The following STAT4 variants were observed in gnomAD, a reference collection of about 807,000 sequenced individuals.
STAT4 encodes the protein signal transducer and activator of transcription 4.
A neutral mutation model predicts 110.5 loss-of-function variants in STAT4; 42 were observed. The ratio of observed to expected loss-of-function variants is 0.38; its 90% CI spans 0.30 to 0.49. STAT4 has a LOEUF of 0.49. STAT4 is among the 20% of genes least tolerant of loss of function. The pLI is 0.95. For missense variants in STAT4, 632 were observed against 887.9 expected, an observed-to-expected ratio of 0.71 and a Z score of 3.66; for synonymous variants, 284 against 302.2, an observed-to-expected ratio of 0.94 and a Z score of 0.63.
rs1559059256 is a variant in STAT4 at position 191,083,504 on chromosome 2, C to A, written c.274-7179G>T. The stretch of plus-strand genomic sequence containing the variant: ...TCTGCTGTACCAGCTCTTCTCCTAA[C>A]CCCAATTTGAGAACTTTTTGACTTC... On this transcript the variant is annotated intron_variant, in intron 3 of 23. Coordinates refer to ENST00000392320, the MANE Select transcript of STAT4 (RefSeq NM_003151.4). The surrounding 1 kb of genome is among the most constrained non-coding windows in gnomAD (Gnocchi z 4.6). Among the ~76,000 whole-genome samples the A allele has an allele frequency of 1.3e-5, 2 of 152,164 alleles. No homozygotes were observed. The highest frequency in any genetic ancestry group is 2.9e-5 in the Non-Finnish European group (2 of 68,030).
rs2125132456 is a variant in STAT4 at position 191,030,423 on chromosome 2, C to T, written c.2220+549G>A. ...AACATTATTGCATTAAAGATTATGA[C>T]TCATTTCTCAAAAAGGAGAGCATTA... On this transcript the variant is annotated intron_variant, in intron 23 of 23. Transcript: ENST00000392320. This position sits in a 1 kb window ranked among gnomAD's most constrained non-coding sequence, Gnocchi z 4.4. Among the ~76,000 whole-genome samples, 1 of 152,256 alleles carries T rather than the reference C, an allele frequency of 6.6e-6. No homozygotes were observed. The highest frequency in any genetic ancestry group is 2.1e-4 in the South Asian group (1 of 4,822).
intron 3 of STAT4, among the ~76,000 whole-genome samples, chr2:191,125,638 C>T (rs1318292265): frequency 2.6e-5 from 4 of 151,862 alleles, no homozygotes; most frequent in Admixed American, 1.3e-4. Context: ...CAGGTGTACG[C>T]ACGCTACCAT....
intron 3 of STAT4, among the ~76,000 whole-genome samples, chr2:191,122,918 A>G (rs1316302799): frequency 6.6e-6 from 1 of 152,270 alleles, no homozygotes; most frequent in Non-Finnish European, 1.5e-5. Flanking sequence ...ATGGATGTAT[A>G]TTAAAAAAAT....
rs1699454675 is a variant in STAT4, at chr2:191,146,191, A to T, written c.273+422T>A. ...AAGAACACTTTTAAAGGAGTGTGAGATCTGAACCAAATCTGTAAGAATACA... is the reference window on the plus strand; with the variant it reads ...AAGAACACTTTTAAAGGAGTGTGAGTTCTGAACCAAATCTGTAAGAATACA... On this transcript the variant is annotated intron_variant, in intron 3 of 23. Transcript: ENST00000392320. This position sits in a 1 kb window ranked among gnomAD's most constrained non-coding sequence, Gnocchi z 4.5. Among the ~76,000 whole-genome samples the T allele has an allele frequency of 1.3e-5, 2 of 152,198 alleles. No homozygotes were observed. Among genetic ancestry groups the T allele is most frequent in the South Asian group, 4.1e-4 (2 of 4,832 alleles).
rs952520551 is a variant in STAT4 at position 191,032,561 on chromosome 2, C to T, written c.2044+397G>A. Among the ~76,000 whole-genome samples, 1 of 152,106 alleles carries T rather than the reference C, an allele frequency of 6.6e-6. No individual in the cohort carries two copies. Among genetic ancestry groups the T allele is most frequent in the East Asian group, 1.9e-4 (1 of 5,196 alleles). On this transcript the variant is annotated intron_variant, in intron 21 of 23. Transcript: ENST00000392320. The surrounding 1 kb of genome is among the most constrained non-coding windows in gnomAD (Gnocchi z 4.9). ...TATAAAACTTATAAACCCTGGGGTT[C>T]CTTTGCAATATACAGACTTGTTTTA...
chr2:191,035,819 C>T lies in STAT4; in HGVS notation c.1570+345G>A, dbSNP rs541898210. ...CACCTCATATTTAGTGGAAATATAC[C>T]CTGGAGACTGGGGTGGGGAATAGAC... On this transcript the variant is annotated intron_variant, in intron 17 of 23. Coordinates refer to ENST00000392320, the MANE Select transcript of STAT4 (RefSeq NM_003151.4). The surrounding 1 kb of genome is among the most constrained non-coding windows in gnomAD (Gnocchi z 4.7). Among the ~76,000 whole-genome samples the T allele has an allele frequency of 1.3e-5, 2 of 152,188 alleles. No individual in the cohort carries two copies. The highest frequency in any genetic ancestry group is 3.9e-4 in the East Asian group (2 of 5,178).
intron 3 of STAT4, among the ~76,000 whole-genome samples, chr2:191,127,470 C>G (rs1447317387): frequency 6.6e-6 from 1 of 152,220 alleles, no homozygotes; most frequent in Non-Finnish European, 1.5e-5. Flanking sequence ...GCATATGCCT[C>G]TACCACGGTG....
Position 191,117,743 on chromosome 2 carries a change from A to G in STAT4, c.273+28870T>C, listed in dbSNP as rs934201202. Among the ~76,000 whole-genome samples the G allele has an allele frequency of 3.3e-5, 5 of 152,110 alleles. No homozygotes were observed. Among genetic ancestry groups the G allele is most frequent in the African/African-American group, 1.2e-4 (5 of 41,496 alleles). On this transcript the variant is annotated intron_variant, in intron 3 of 23. Transcript: ENST00000392320. This position sits in a 1 kb window ranked among gnomAD's most constrained non-coding sequence, Gnocchi z 5.2. ...CCACATCCTAAATCCACCATTGCTT[A>G]TTTTTCTTCCGATGCCTGGATGCAT... is the stretch of plus-strand genomic sequence containing the variant.
chr2:191,047,339 C>A (rs1263721323), intron 14 of STAT4, among the ~76,000 whole-genome samples: 2 of 152,106 alleles, frequency 1.3e-5, no homozygotes, highest in African/African-American at 4.8e-5. Flanking sequence ...ATTCATTGAA[C>A]CTGAGGAGGG....
intron 3 of STAT4, among the ~76,000 whole-genome samples, chr2:191,145,199 T>C (rs1699430800): frequency 6.6e-6 from 1 of 152,168 alleles, no homozygotes; most frequent in Admixed American, 6.5e-5. Context: ...ACTTCTGCCA[T>C]TGTAGTGTAA....
At chr2:191,070,083 G>T (rs905208355) in intron 5 of STAT4, among the ~76,000 whole-genome samples, 1 of 152,042 alleles carries the variant, frequency 6.6e-6, no homozygotes, top group Non-Finnish European at 1.5e-5. Flanking sequence ...TGGAGAATAT[G>T]AATATTTTTG....
chr2:191,047,172 C>T lies in STAT4; in HGVS notation c.1252-6024G>A, dbSNP rs1357788446. Among the ~76,000 whole-genome samples, 4 of 152,064 alleles carry T rather than the reference C, an allele frequency of 2.6e-5. No homozygotes were observed. The East Asian group carries it at 7.7e-4, about 29-fold the overall frequency. ...TGGAGGTGCTAGGAGGGTGGCGCAC[C>T]TGGACAGGGCATGGGAGCTCCACAC... On this transcript the variant is annotated intron_variant, in intron 14 of 23. Coordinates refer to ENST00000392320, the MANE Select transcript of STAT4 (RefSeq NM_003151.4).
At chr2:191,106,375 T>A (rs948612035) in intron 3 of STAT4, among the ~76,000 whole-genome samples, 2 of 151,382 alleles carry the variant, frequency 1.3e-5, no homozygotes, top group Non-Finnish European at 2.9e-5. Flanking sequence ...AAAAAAAAAA[T>A]TAGGCTGGGC....
chr2:191,148,600 C>A (rs1391378638), intron 1 of STAT4, among the ~76,000 whole-genome samples: 1 of 152,186 alleles, frequency 6.6e-6, no homozygotes, highest in East Asian at 1.9e-4. Context: ...TTTACTATAC[C>A]TCCTAAAACC....
intron 6 of STAT4, 144 bp downstream of exon 6, chr2:191,069,549 G>A: frequency 1.6e-6 from 1 of 643,198 alleles, no homozygotes; most frequent in South Asian, 1.7e-5. Context: ...AGATAAGGAA[G>A]AAGCAAAACA....
intron 3 of STAT4, among the ~76,000 whole-genome samples, chr2:191,122,463 C>T (rs1293639746): frequency 6.6e-6 from 1 of 152,162 alleles, no homozygotes; most frequent in Non-Finnish European, 1.5e-5. Context: ...TAAATCCACA[C>T]ATCTTAATGC....
In STAT4 at chr2:191,051,231, G is replaced by T. The variant is rs1696514495; in HGVS notation, c.1251+3259C>A. ...AGCACTTGACAGGTGAGCAGAGAAG[G>T]AGAAAGATCAGCAGTTGTCTGAAGT... On this transcript the variant is annotated intron_variant, in intron 14 of 23. Transcript: ENST00000392320. The surrounding 1 kb of genome is among the most constrained non-coding windows in gnomAD (Gnocchi z 5.6). 6.6e-6 allele frequency among the ~76,000 whole-genome samples: 1 copy of T among 152,198 alleles called. No individual in the cohort carries two copies. Among genetic ancestry groups the T allele is most frequent in the East Asian group, 1.9e-4 (1 of 5,194 alleles).
intron 3 of STAT4, among the ~76,000 whole-genome samples, chr2:191,101,862 A>G (rs2125336214): frequency 6.6e-6 from 1 of 152,264 alleles, no homozygotes; most frequent in East Asian, 1.9e-4. Flanking sequence ...AGTTATGAGC[A>G]TTAACTGAGA....
chr2:191,091,210 A>G lies in STAT4; in HGVS notation c.274-14885T>C, dbSNP rs1697789129. Among the ~76,000 whole-genome samples, 2 of 152,194 alleles carry G rather than the reference A, an allele frequency of 1.3e-5. No homozygotes were observed. The highest frequency in any genetic ancestry group is 4.8e-5 in the African/African-American group (2 of 41,454). On this transcript the variant is annotated intron_variant, in intron 3 of 23. Coordinates refer to ENST00000392320, the MANE Select transcript of STAT4 (RefSeq NM_003151.4). This position sits in a 1 kb window ranked among gnomAD's most constrained non-coding sequence, Gnocchi z 5.4. ...GCTGATGATAAAATTATATTTCTAG[A>G]AAAAAAGAGACTCATACAAATTCTA...
Sources: gnomAD v4.1 joint callset for allele counts (sites outside exome capture counted in the v4.1 genomes callset) on GRCh38, gnomAD v4.1.1 for gene constraint, Gnocchi (gnomAD v3.1) non-coding constraint, MANE v1.5 for transcripts, NCBI Gene and HGNC (gene_info 2026-07-23, HGNC 2026-07-21) for gene names.